Variants in CSMD1 observed in about 807,000 individuals in gnomAD.
CSMD1 encodes the protein CUB and sushi domain-containing protein 1.
Under a neutral mutation model 417.5 loss-of-function variants are expected in CSMD1, and 213 were observed. The ratio of observed to expected loss-of-function variants is 0.51; its 90% CI spans 0.46 to 0.57. CSMD1 has a LOEUF of 0.57. CSMD1 is among the 20% of genes least tolerant of loss of function. CSMD1 has a pLI of 0.00. For missense variants in CSMD1, 6,923 were observed against 4,529.7 expected, an observed-to-expected ratio of 1.53 and a Z score of -15.17; for synonymous variants, 2,862 against 1,736.8, an observed-to-expected ratio of 1.65 and a Z score of -16.11.
intron 5 of CSMD1, among the ~76,000 whole-genome samples, chr8:3,756,502 GAAGC>G (rs1252520802): frequency 5.9e-5 from 9 of 151,866 alleles, no homozygotes; most frequent in African/African-American, 1.2e-4. Context: ...ATTAAGCACA[GAAGC>G]AAGCCTACCT....
Position 3,369,357 on chromosome 8 carries a change from G to C in CSMD1, c.2796C>G (p.Gly932=). The C allele has an allele frequency of 6.4e-7, 1 of 1,553,156 alleles. No homozygotes were observed. The highest frequency in any genetic ancestry group is 8.9e-7 in the Non-Finnish European group (1 of 1,125,762). Residue 932 remains glycine, a synonymous_variant, in exon 19 of 70, where the codon GGC becomes GGG. Transcript: ENST00000635120. ...ALPSCDALCG[G]YIQGKSGTVL... is the part of the protein sequence containing the mutation. ...CTGTTCCACTCTTCCCTTGGATGTAGCCTCCACATAGAGCTTAAAATAATA... is the reference window on the plus strand; with the variant it reads ...CTGTTCCACTCTTCCCTTGGATGTACCCTCCACATAGAGCTTAAAATAATA...
intron 32 of CSMD1, among the ~76,000 whole-genome samples, 174 bp from the exon 33 acceptor site, chr8:3,199,983 T>C (rs1796908755): frequency 6.6e-6 from 1 of 152,218 alleles, no homozygotes; most frequent in South Asian, 2.1e-4. Context: ...TTAAAAACTC[T>C]GTCCTAGGCA....
At chr8:4,437,233 G>C (rs1039425990) in intron 2 of CSMD1, among the ~76,000 whole-genome samples, 13 of 152,180 alleles carry the variant, frequency 8.5e-5, no homozygotes, top group African/African-American at 3.1e-4. Context: ...TCAAATTGAA[G>C]AACTGGTTCT....
chr8:3,253,303 G>C (rs966975949), intron 26 of CSMD1, among the ~76,000 whole-genome samples: 8 of 152,090 alleles, frequency 5.3e-5, no homozygotes, highest in African/African-American at 1.7e-4. Context: ...AGTCACTCAG[G>C]AGCAGGTCGT....
At chr8:4,729,981 TCTC>T (rs1016552244) in intron 1 of CSMD1, among the ~76,000 whole-genome samples, 41 of 152,206 alleles carry the variant, frequency 2.7e-4, no homozygotes, top group African/African-American at 8.7e-4. Context: ...ACAAATCACT[TCTC>T]CTCTCCCGAT....
At chr8:3,860,318 A>G (rs1804612113) in intron 5 of CSMD1, among the ~76,000 whole-genome samples, 1 of 152,134 alleles carries the variant, frequency 6.6e-6, no homozygotes, top group Non-Finnish European at 1.5e-5. Flanking sequence ...GATCTTTTAG[A>G]ATTTCAACAC....
intron 49 of CSMD1, among the ~76,000 whole-genome samples, chr8:3,081,180 G>A (rs188490562): frequency 2.6e-5 from 4 of 152,236 alleles, no homozygotes; most frequent in South Asian, 2.1e-4. Flanking sequence ...CAACGTGCCA[G>A]GTTTGATCTT....
chr8:4,984,554 C>T (rs544744031), intron 1 of CSMD1, among the ~76,000 whole-genome samples: 1 of 152,332 alleles, frequency 6.6e-6, no homozygotes, highest in Admixed American at 6.5e-5. Context: ...CCGGCTGCTT[C>T]TCCTCAACAT....
chr8:3,619,588 T>C (rs1415109433), intron 7 of CSMD1, among the ~76,000 whole-genome samples: 1 of 152,082 alleles, frequency 6.6e-6, no homozygotes, highest in African/African-American at 2.4e-5. Flanking sequence ...GATGTACAAA[T>C]TCAAGGAGAT....
intron 2 of CSMD1, among the ~76,000 whole-genome samples, chr8:4,594,928 C>A (rs1254719536): frequency 6.6e-6 from 1 of 152,084 alleles, no homozygotes; most frequent in Non-Finnish European, 1.5e-5. Flanking sequence ...AATATTGAGA[C>A]TACATATTAT....
chr8:3,756,271 T>C (rs950627495), intron 5 of CSMD1, among the ~76,000 whole-genome samples: 1 of 151,034 alleles, frequency 6.6e-6, no homozygotes, highest in Non-Finnish European at 1.5e-5. Flanking sequence ...GAGAATGGCG[T>C]GAACCTGGGA....
At chr8:4,024,998 C>T (rs147123792) in intron 4 of CSMD1, among the ~76,000 whole-genome samples, 29 of 152,302 alleles carry the variant, frequency 1.9e-4, no homozygotes, top group East Asian at 1.4e-3. Context: ...TGGGTTTAAA[C>T]GGCCTGATGC....
chr8:4,899,386 T>C (rs577326818), intron 1 of CSMD1, among the ~76,000 whole-genome samples: 3 of 152,162 alleles, frequency 2.0e-5, no homozygotes, highest in Non-Finnish European at 4.4e-5. Flanking sequence ...TACTGAGGAA[T>C]TATTTGGAAG....
chr8:3,221,423 G>T (rs1376257593), intron 28 of CSMD1, among the ~76,000 whole-genome samples: 1 of 152,090 alleles, frequency 6.6e-6, no homozygotes, highest in Non-Finnish European at 1.5e-5. Context: ...TAGAGTATTG[G>T]CAAGGATGTT....
At chr8:3,313,525 T>C (rs1355508771) in intron 23 of CSMD1, among the ~76,000 whole-genome samples, 2 of 152,206 alleles carry the variant, frequency 1.3e-5, no homozygotes, top group East Asian at 1.9e-4. Flanking sequence ...TCATCATCAC[T>C]GGCCATCAGA....
At chr8:3,581,335 G>A (rs908719775) in intron 9 of CSMD1, among the ~76,000 whole-genome samples, 4 of 152,214 alleles carry the variant, frequency 2.6e-5, no homozygotes, top group Non-Finnish European at 5.9e-5. Context: ...CCTAAATGAA[G>A]TAAGCGTAAT....
intron 1 of CSMD1, among the ~76,000 whole-genome samples, chr8:4,904,574 C>A (rs1034029168): frequency 1.3e-5 from 2 of 152,088 alleles, no homozygotes; most frequent in African/African-American, 4.8e-5. Context: ...TATCATTAAA[C>A]ACATATAGTG....
Position 3,316,716 on chromosome 8 carries a change from G to A in CSMD1, c.3632-8213C>T, listed in dbSNP as rs1020368809. On this transcript the variant is annotated intron_variant, in intron 23 of 69. Coordinates refer to ENST00000635120, the MANE Select transcript of CSMD1 (RefSeq NM_033225.6). Reference sequence around the variant, plus strand: ...TTGTGATGGAGACAGGGATTGAAGGGAAGACAGGAAAGGTCACGGGAAAGA... The same window carrying A: ...TTGTGATGGAGACAGGGATTGAAGGAAAGACAGGAAAGGTCACGGGAAAGA... 6.6e-5 allele frequency among the ~76,000 whole-genome samples: 10 copies of A among 152,146 alleles called. No homozygotes were observed. The South Asian group carries it at 8.3e-4, about 13-fold the overall frequency.
At chr8:3,884,920 T>C (rs1302530484) in intron 5 of CSMD1, among the ~76,000 whole-genome samples, 2 of 146,226 alleles carry the variant, frequency 1.4e-5, no homozygotes, top group Non-Finnish European at 3.0e-5. Context: ...TAAATATATA[T>C]ATATATATAT....
Sources: allele counts gnomAD v4.1 joint callset (sites outside exome capture counted in the v4.1 genomes callset), GRCh38; gene constraint gnomAD v4.1.1; transcripts MANE v1.5; gene names NCBI Gene and HGNC (gene_info 2026-07-23, HGNC 2026-07-21).